The following DGKB variants were observed in gnomAD, a reference collection of about 807,000 sequenced individuals.
DGKB encodes the protein diacylglycerol kinase beta, also known as 90 kDa diacylglycerol kinase.
Under a neutral mutation model 114.3 loss-of-function variants are expected in DGKB, and 67 were observed. The ratio of observed to expected loss-of-function variants is 0.59; its 90% CI spans 0.48 to 0.72. DGKB has a LOEUF of 0.72. DGKB is among the 30% of genes least tolerant of loss of function. The probability of loss-of-function intolerance (pLI) is 0.00; values close to 1 mark genes in which losing one functional copy is unlikely to be tolerated. For missense variants in DGKB, 907 were observed against 975.2 expected, an observed-to-expected ratio of 0.93 and a Z score of 0.93; for synonymous variants, 398 against 323.1, an observed-to-expected ratio of 1.23 and a Z score of -2.49.
Position 14,522,847 on chromosome 7 carries a change from T to C in DGKB, c.1771-44622A>G, listed in dbSNP as rs550342788. Among the ~76,000 whole-genome samples the C allele has an allele frequency of 2.6e-5, 4 of 152,286 alleles. No homozygotes were observed. In the East Asian group the frequency reaches 7.7e-4, roughly 29 times the overall value. On this transcript the variant is annotated intron_variant, in intron 20 of 25. Transcript: ENST00000402815. ...CGACTGCTTGATTTATACAAAATTA[T>C]TTAAAAATAACAAAAGTTTAGATAG...
At chr7:14,701,473 A>C (rs1004551729) in intron 7 of DGKB, among the ~76,000 whole-genome samples, 2 of 152,308 alleles carry the variant, frequency 1.3e-5, no homozygotes, top group East Asian at 3.9e-4. Context: ...ATGCTGTGGT[A>C]TGCAAAACTA....
At position 14,147,003 on chromosome 7, in the gene DGKB, T is replaced by C. The variant is rs1215629673; in HGVS notation, c.*2128A>G. The stretch of plus-strand genomic sequence containing the variant: ...GTAGCCAAGACATAATTGTATGTTG[T>C]AGCGAACATAAAATAATTTGTGGCT... On this transcript the variant is annotated 3_prime_UTR_variant, in exon 26 of 26. Coordinates refer to ENST00000402815, the MANE Select transcript of DGKB (RefSeq NM_001350709.2). 3 of 152,172 alleles carry C rather than the reference T, an allele frequency of 2.0e-5. No homozygotes were observed. Among genetic ancestry groups the C allele is most frequent in the African/African-American group, 7.2e-5 (3 of 41,458 alleles). 9.4% of individuals were successfully genotyped at this position (152,172 alleles called of 1,614,324 possible).
intron 4 of DGKB, among the ~76,000 whole-genome samples, chr7:14,745,669 C>A (rs779404287): frequency 2.6e-5 from 4 of 152,180 alleles, no homozygotes; most frequent in African/African-American, 9.7e-5. Flanking sequence ...AGGGGAGGAG[C>A]CTGACCTCTT....
intron 18 of DGKB, among the ~76,000 whole-genome samples, chr7:14,582,691 A>C (rs1800128499): frequency 1.3e-5 from 2 of 152,094 alleles, no homozygotes; most frequent in Admixed American, 6.6e-5. Flanking sequence ...CCATGTTTTA[A>C]AAACGTAAGC....
At chr7:14,447,410 G>A (rs899761287) in intron 21 of DGKB, among the ~76,000 whole-genome samples, 1 of 152,046 alleles carries the variant, frequency 6.6e-6, no homozygotes, top group Non-Finnish European at 1.5e-5. Flanking sequence ...AGCAACAATA[G>A]CTTCCACATG....
At chr7:14,553,825 T>C (rs567239263) in intron 20 of DGKB, among the ~76,000 whole-genome samples, 1 of 150,230 alleles carries the variant, frequency 6.7e-6, no homozygotes, top group East Asian at 2.0e-4. Flanking sequence ...TGTTTTCATA[T>C]ACATATTTTG....
chr7:14,211,383 T>A (rs1378533361), intron 23 of DGKB, among the ~76,000 whole-genome samples: 14 of 73,548 alleles, frequency 1.9e-4, no homozygotes, highest in East Asian at 4.3e-4. Context: ...GTTTTGTGAT[T>A]TTACTCTCAT....
chr7:14,217,943 C>T (rs1182142149), intron 23 of DGKB, among the ~76,000 whole-genome samples: 1 of 152,074 alleles, frequency 6.6e-6, no homozygotes, highest in Non-Finnish European at 1.5e-5. Context: ...ATAATAAATA[C>T]CTTTGTAAAT....
At chr7:14,941,294 G>A (rs962227602) in intron 1 of DGKB, among the ~76,000 whole-genome samples, 2 of 152,032 alleles carry the variant, frequency 1.3e-5, no homozygotes, top group African/African-American at 4.8e-5. Flanking sequence ...CTGAGGTTGT[G>A]TGGAGTCTGG....
intron 13 of DGKB, among the ~76,000 whole-genome samples, chr7:14,644,663 A>G (rs987178021): frequency 6.6e-6 from 1 of 152,212 alleles, no homozygotes; most frequent in East Asian, 1.9e-4. Flanking sequence ...AAAAAGAGAA[A>G]AAGAATTTTT....
intron 1 of DGKB, among the ~76,000 whole-genome samples, chr7:14,923,166 T>G (rs1784591910): frequency 1.3e-5 from 2 of 152,208 alleles, no homozygotes; most frequent in Admixed American, 1.3e-4. Flanking sequence ...CAAATTGTGA[T>G]TTTTTAGAAG....
At chr7:14,354,045 C>G (rs1814006052) in intron 21 of DGKB, among the ~76,000 whole-genome samples, 1 of 152,152 alleles carries the variant, frequency 6.6e-6, no homozygotes, top group South Asian at 2.1e-4. Flanking sequence ...GGTAAGTTGA[C>G]ACTTTTCTTC....
At chr7:14,348,892 A>C (rs1812938417) in intron 21 of DGKB, among the ~76,000 whole-genome samples, 1 of 151,894 alleles carries the variant, frequency 6.6e-6, no homozygotes, top group African/African-American at 2.4e-5. Flanking sequence ...ATTTTAGAGT[A>C]GGCTAAATAC....
intron 1 of DGKB, among the ~76,000 whole-genome samples, chr7:14,936,311 G>A (rs1785269518): frequency 6.6e-6 from 1 of 152,122 alleles, no homozygotes; most frequent in Non-Finnish European, 1.5e-5. Flanking sequence ...TATTTCAGGA[G>A]CAAAATGAAA....
intron 1 of DGKB, among the ~76,000 whole-genome samples, chr7:14,917,053 C>G (rs1336621317): frequency 6.6e-6 from 1 of 151,902 alleles, no homozygotes; most frequent in Non-Finnish European, 1.5e-5. Flanking sequence ...TAAAATGTCT[C>G]CAAAGAAATT....
chr7:14,856,210 A>G (rs569855424), intron 1 of DGKB, among the ~76,000 whole-genome samples: 4 of 152,264 alleles, frequency 2.6e-5, no homozygotes, highest in Admixed American at 6.5e-5. Flanking sequence ...TAGTCTCCTG[A>G]GGCTTATTTC....
At chr7:14,411,277 G>C in intron 21 of DGKB, among the ~76,000 whole-genome samples, 1 of 152,184 alleles carries the variant, frequency 6.6e-6, no homozygotes, top group East Asian at 1.9e-4. Flanking sequence ...GATGTATTAA[G>C]TGCACTGTTT....
At chr7:14,272,036 T>C in intron 23 of DGKB, among the ~76,000 whole-genome samples, 1 of 152,206 alleles carries the variant, frequency 6.6e-6, no homozygotes, top group East Asian at 1.9e-4. Context: ...TTCCTTGATA[T>C]TTTGATTTAA....
intron 23 of DGKB, among the ~76,000 whole-genome samples, chr7:14,190,430 C>T (rs1467754562): frequency 4.6e-5 from 7 of 151,880 alleles, no homozygotes; most frequent in African/African-American, 1.5e-4. Flanking sequence ...GTCTACATCA[C>T]AAAAGAAGAT....
Sources: allele counts gnomAD v4.1 joint callset (sites outside exome capture counted in the v4.1 genomes callset), GRCh38; gene constraint gnomAD v4.1.1; transcripts MANE v1.5; gene names NCBI Gene and HGNC (gene_info 2026-07-23, HGNC 2026-07-21).